ROBO2: variants seen among roughly 807,000 people sequenced by gnomAD.
ROBO2 encodes roundabout homolog 2.
A neutral mutation model predicts 160.8 loss-of-function variants in ROBO2; 53 were observed. That is an observed-to-expected ratio of 0.33 (90% CI 0.26 to 0.41). The LOEUF (loss-of-function observed/expected upper bound fraction) is 0.41. ROBO2 is among the 10% of genes least tolerant of loss of function. ROBO2 has a pLI of 1.00. For missense variants in ROBO2, 1,577 were observed against 1,722.4 expected, an observed-to-expected ratio of 0.92 and a Z score of 1.49; for synonymous variants, 664 against 611.7, an observed-to-expected ratio of 1.09 and a Z score of -1.26.
chr3:77,385,355 T>A (rs893711702), intron 2 of ROBO2, among the ~76,000 whole-genome samples: 12 of 152,218 alleles, frequency 7.9e-5, no homozygotes, highest in African/African-American at 2.9e-4. Flanking sequence ...TTGCTTGTTT[T>A]AAAATATTTA....
At chr3:77,375,050 A>T (rs1166569952) in intron 2 of ROBO2, among the ~76,000 whole-genome samples, 1 of 152,094 alleles carries the variant, frequency 6.6e-6, no homozygotes, top group Non-Finnish European at 1.5e-5. Context: ...CTCTACAAAA[A>T]GTTTTTGAAA....
intron 2 of ROBO2, among the ~76,000 whole-genome samples, chr3:76,958,816 G>C (rs2079457839): frequency 6.6e-6 from 1 of 152,048 alleles, no homozygotes; most frequent in Non-Finnish European, 1.5e-5. Flanking sequence ...CATCCTTTTT[G>C]TCCATCGTGT....
intron 2 of ROBO2, among the ~76,000 whole-genome samples, chr3:76,220,432 C>T (rs1041578139): frequency 2.0e-5 from 3 of 151,926 alleles, no homozygotes; most frequent in African/African-American, 7.3e-5. Flanking sequence ...GCTCGATCCT[C>T]ACACAGGGAT....
intron 1 of ROBO2, among the ~76,000 whole-genome samples, chr3:77,079,631 A>G (rs1559962909): frequency 6.6e-6 from 1 of 152,216 alleles, no homozygotes; most frequent in Non-Finnish European, 1.5e-5. Context: ...GTTTGCCTTC[A>G]TATGTTCTTA....
chr3:75,955,511 C>T (rs1423150427), intron 2 of ROBO2, among the ~76,000 whole-genome samples: 2 of 151,242 alleles, frequency 1.3e-5, no homozygotes, highest in Non-Finnish European at 3.0e-5. Context: ...GGAGGGATGG[C>T]ATTAGGAGAT....
intron 2 of ROBO2, among the ~76,000 whole-genome samples, chr3:76,680,988 G>T (rs1313044691): frequency 6.6e-6 from 1 of 151,938 alleles, no homozygotes; most frequent in Non-Finnish European, 1.5e-5. Context: ...TGTTGCCCAG[G>T]CTGGTCTCGA....
intron 2 of ROBO2, among the ~76,000 whole-genome samples, chr3:76,907,228 G>A (rs905046517): frequency 7.9e-5 from 12 of 152,180 alleles, no homozygotes; most frequent in East Asian, 5.8e-4. Flanking sequence ...CATCAACCAC[G>A]TTACTCCTTC....
intron 2 of ROBO2, among the ~76,000 whole-genome samples, chr3:76,482,204 A>G (rs2079248949): frequency 6.6e-6 from 1 of 152,100 alleles, no homozygotes; most frequent in African/African-American, 2.4e-5. Flanking sequence ...CTTTTCAAAC[A>G]CAAATAAGTG....
chr3:76,510,168 C>G (rs1560067483), intron 2 of ROBO2, among the ~76,000 whole-genome samples: 1 of 152,104 alleles, frequency 6.6e-6, no homozygotes, highest in Non-Finnish European at 1.5e-5. Flanking sequence ...TGCTTATTCT[C>G]TACTTTGTGG....
At chr3:77,152,020 A>T (rs1261655227) in intron 2 of ROBO2, among the ~76,000 whole-genome samples, 1 of 152,174 alleles carries the variant, frequency 6.6e-6, no homozygotes, top group African/African-American at 2.4e-5. Flanking sequence ...ACTTGAAAAC[A>T]TGCATTTTTA....
At position 77,329,445 on chromosome 3, in the gene ROBO2, G is replaced by A. The variant is rs143973876; in HGVS notation, c.389-147969G>A. The stretch of plus-strand genomic sequence containing the variant: ...CTAGTGTTTAGGCTAATGACATAAC[G>A]TGTTAACCCTTGGTTACACAGAATA... On this transcript the variant is annotated intron_variant, in intron 2 of 25. Transcript: ENST00000461745. Among the ~76,000 whole-genome samples the A allele has an allele frequency of 1.3e-4, 20 of 152,212 alleles. No individual in the cohort carries two copies. In the East Asian group the frequency reaches 3.1e-3, roughly 24 times the overall value.
At chr3:76,695,611 T>C (rs899134527) in intron 2 of ROBO2, among the ~76,000 whole-genome samples, 6 of 152,224 alleles carry the variant, frequency 3.9e-5, no homozygotes, top group Admixed American at 1.3e-4. Context: ...ATTTGTCCTG[T>C]AAATATACTG....
At chr3:76,276,848 A>G (rs1707954284) in intron 2 of ROBO2, among the ~76,000 whole-genome samples, 1 of 151,994 alleles carries the variant, frequency 6.6e-6, no homozygotes, top group Non-Finnish European at 1.5e-5. Context: ...AACCAGAGCC[A>G]TGATTTCCAG....
chr3:77,086,182 G>A (rs958895579), intron 1 of ROBO2, among the ~76,000 whole-genome samples: 15 of 151,950 alleles, frequency 9.9e-5, no homozygotes. Context: ...GTTTTTAGGG[G>A]GGTTACAGAC....
intron 2 of ROBO2, among the ~76,000 whole-genome samples, chr3:76,006,936 A>G (rs182920555): frequency 5.8e-4 from 88 of 152,206 alleles, no homozygotes; most frequent in African/African-American, 2.1e-3. Context: ...TCTTTTTTAA[A>G]AAATATAAAA....
intron 2 of ROBO2, among the ~76,000 whole-genome samples, chr3:77,342,585 G>T (rs1007076008): frequency 6.6e-6 from 1 of 152,072 alleles, no homozygotes; most frequent in Non-Finnish European, 1.5e-5. Flanking sequence ...CTTAAGGGGT[G>T]CTAGGAGGCT....
At chr3:76,000,489 ATTTT>A (rs62945460) in intron 2 of ROBO2, among the ~76,000 whole-genome samples, 9 of 114,152 alleles carry the variant, frequency 7.9e-5, no homozygotes, top group Admixed American at 9.5e-5. Context: ...TTGTGCGCTT[ATTTT>A]TTTTTTTTTT....
chr3:76,750,239 T>C (rs189663806), intron 2 of ROBO2, among the ~76,000 whole-genome samples: 5 of 152,174 alleles, frequency 3.3e-5, no homozygotes, highest in African/African-American at 1.2e-4. Context: ...TTTGACAAAA[T>C]TCAACAGTCC....
At chr3:76,643,313 G>T (rs2090796142) in intron 2 of ROBO2, among the ~76,000 whole-genome samples, 1 of 152,086 alleles carries the variant, frequency 6.6e-6, no homozygotes, top group Non-Finnish European at 1.5e-5. Flanking sequence ...AGATAAATGT[G>T]AATTATGTGA....
Sources: gnomAD v4.1 joint callset for allele counts (sites outside exome capture counted in the v4.1 genomes callset) on GRCh38, gnomAD v4.1.1 for gene constraint, MANE v1.5 for transcripts, NCBI Gene and HGNC (gene_info 2026-07-23, HGNC 2026-07-21) for gene names.